The following MEIS1 variants were observed in gnomAD, a reference collection of about 807,000 sequenced individuals.
MEIS1 encodes the protein homeobox protein Meis1.
MEIS1 carries 5 observed loss-of-function variants against 50.8 expected under a neutral mutation model. That is an observed-to-expected ratio of 0.10 (90% CI 0.05 to 0.21). MEIS1 has a LOEUF of 0.21. Ranked by LOEUF, MEIS1 falls within the 10% of genes least tolerant of loss-of-function variation. The pLI, the probability that MEIS1 is intolerant of heterozygous loss-of-function variation, is 1.00. For synonymous variants in MEIS1, 176 were observed against 179.3 expected, an observed-to-expected ratio of 0.98 and a Z score of 0.15; for missense variants, 318 against 517.3, an observed-to-expected ratio of 0.61 and a Z score of 3.74.
At chr2:66,518,798 C>G (rs1674036084) in intron 8 of MEIS1, among the ~76,000 whole-genome samples, 1 of 152,032 alleles carries the variant, frequency 6.6e-6, no homozygotes, top group Non-Finnish European at 1.5e-5. Flanking sequence ...TTTAAGATTC[C>G]TAATGAAGAT....
chr2:66,571,514 C>T lies in MEIS1; in HGVS notation c.*306C>T, dbSNP rs772039499. 3.0e-5 allele frequency: 47 copies of T among 1,569,786 alleles called. No individual in the cohort carries two copies. The highest frequency in any genetic ancestry group is 3.8e-5 in the Non-Finnish European group (44 of 1,158,170). ...CAACAATGAGTGGACAAGTCATGGA[C>T]ATTCATGCTCAGTAGCTTAAGGGAA... is the stretch of plus-strand genomic sequence containing the variant. On this transcript the variant is annotated 3_prime_UTR_variant, in exon 13 of 13. Coordinates refer to ENST00000272369, the MANE Select transcript of MEIS1 (RefSeq NM_002398.3).
At chr2:66,549,374 T>C (rs2216120) in intron 9 of MEIS1, among the ~76,000 whole-genome samples, 14,503 of 152,120 alleles carry the variant, frequency 0.095, 806 homozygotes, top group African/African-American at 0.15. Flanking sequence ...CATCTAAATG[T>C]GTTACTACGA....
At chr2:66,506,993 G>T (rs1203013857) in intron 7 of MEIS1, among the ~76,000 whole-genome samples, 2 of 152,174 alleles carry the variant, frequency 1.3e-5, no homozygotes, top group Admixed American at 6.5e-5. Context: ...TTCAAGGGGT[G>T]AGATGCCATT....
chr2:66,437,912 T>C lies in MEIS1; in HGVS notation c.188T>C (p.Met63Thr). The change falls in exon 2 of 13, where the codon ATG becomes ACG. Residue 63 changes from methionine (M) to threonine (T), a missense_variant. Physicochemically the swap from Met to Thr is moderately conservative, Grantham distance 81 (BLOSUM62 -1). Around this residue, in one of 6 missense-constraint regions of MEIS1, gnomAD observed 100 missense variants for 107.1 expected, o/e 0.93. Transcript: ENST00000272369. ...CATACCAACGCCATGGCCCCCAGCA[T>C]GGGCTCCTCTGTCAATGACGCTTTA... is the stretch of plus-strand genomic sequence containing the variant. ...TAHTNAMAPS[M>T]GSSVNDALKR... 1.9e-6 allele frequency: 3 copies of C among 1,604,494 alleles called. No individual in the cohort carries two copies. The highest frequency in any genetic ancestry group is 2.2e-5 in the South Asian group (2 of 89,212).
intron 9 of MEIS1, among the ~76,000 whole-genome samples, chr2:66,556,919 T>A (rs892260958): frequency 8.1e-5 from 1 of 12,356 alleles, no homozygotes; most frequent in Non-Finnish European, 1.5e-4. Flanking sequence ...TGGGGCGGGG[T>A]GGGAGGGGGC....
At chr2:66,522,663 T>C (rs1445343070) in intron 8 of MEIS1, among the ~76,000 whole-genome samples, 1 of 152,172 alleles carries the variant, frequency 6.6e-6, no homozygotes, top group Non-Finnish European at 1.5e-5. Flanking sequence ...AAAAGGCAAT[T>C]TGTGAAATTA....
At chr2:66,558,300 A>AG (rs1675125291) in intron 9 of MEIS1, among the ~76,000 whole-genome samples, 3 of 149,642 alleles carry the variant, frequency 2.0e-5, no homozygotes, top group East Asian at 2.0e-4. Context: ...AAAAAAAAAA[A>AG]AAAAGAAAAA....
At chr2:66,459,675 TTGAA>T (rs1672474556) in intron 6 of MEIS1, among the ~76,000 whole-genome samples, 1 of 151,936 alleles carries the variant, frequency 6.6e-6, no homozygotes, top group Admixed American at 6.6e-5. Context: ...TGGTGACTGA[TTGAA>T]TGGGGAGGTG....
At chr2:66,564,817 C>T (rs1675301361) in intron 9 of MEIS1, among the ~76,000 whole-genome samples, 1 of 151,648 alleles carries the variant, frequency 6.6e-6, no homozygotes, top group South Asian at 2.1e-4. Context: ...TGGTGTGCTG[C>T]CCCCATTAAC....
chr2:66,499,347 C>T (rs560793988), intron 7 of MEIS1, among the ~76,000 whole-genome samples: 1 of 152,212 alleles, frequency 6.6e-6, no homozygotes, highest in East Asian at 1.9e-4. Flanking sequence ...AAGAAATCTA[C>T]CTGGACAGAA....
intron 7 of MEIS1, among the ~76,000 whole-genome samples, chr2:66,470,919 C>T (rs1462847589): frequency 6.6e-6 from 1 of 152,164 alleles, no homozygotes; most frequent in Non-Finnish European, 1.5e-5. Context: ...ACCTCTGTTA[C>T]CAAGTAACTG....
intron 9 of MEIS1, among the ~76,000 whole-genome samples, chr2:66,560,209 T>C (rs185202819): frequency 6.6e-6 from 1 of 152,022 alleles, no homozygotes; most frequent in East Asian, 1.9e-4. Context: ...TTTATTTTAA[T>C]GCCTAAGGCC....
chr2:66,503,053 A>G (rs1184870024), intron 7 of MEIS1, among the ~76,000 whole-genome samples: 3 of 152,188 alleles, frequency 2.0e-5, no homozygotes, highest in African/African-American at 7.2e-5. Flanking sequence ...GTCTACCTGA[A>G]TGGACTCATT....
intron 7 of MEIS1, among the ~76,000 whole-genome samples, chr2:66,468,504 C>T (rs1241157957): frequency 6.6e-6 from 1 of 152,128 alleles, no homozygotes; most frequent in Non-Finnish European, 1.5e-5. Flanking sequence ...ATTTCCATCC[C>T]CTCACTTTTC....
chr2:66,525,150 T>C (rs1293904232), intron 8 of MEIS1, among the ~76,000 whole-genome samples: 2 of 151,410 alleles, frequency 1.3e-5, no homozygotes, highest in Non-Finnish European at 2.9e-5. Context: ...GTGGTGGAGG[T>C]TGCAGTGAGC....
Position 66,435,622 on chromosome 2 carries a change from G to A in MEIS1, c.-235G>A, listed in dbSNP as rs1451610430. 5.0e-6 allele frequency: 2 copies of A among 401,918 alleles called. No individual in the cohort carries two copies. Among genetic ancestry groups the A allele is most frequent in the Non-Finnish European group, 8.9e-6 (2 of 225,974 alleles). 24.9% of individuals were successfully genotyped at this position (401,918 alleles called of 1,614,324 possible). A position where few individuals can be genotyped will look rare whatever the true frequency, so the allele number is the denominator to read the frequency against. On this transcript the variant is annotated 5_prime_UTR_variant, in exon 1 of 13. Transcript: ENST00000272369. ...TCTGCTTTTTTTTGCCCCCGCTGCT[G>A]TCTTGGAAACGGAGCGCTTTTATGC...
chr2:66,464,464 A>G (rs1293083839), intron 7 of MEIS1, among the ~76,000 whole-genome samples: 5 of 152,214 alleles, frequency 3.3e-5, no homozygotes, highest in Admixed American at 3.3e-4. Flanking sequence ...GCAAGATTAG[A>G]GAAGTAGCTT....
At chr2:66,510,445 T>A (rs115514388) in intron 7 of MEIS1, among the ~76,000 whole-genome samples, 108 of 152,248 alleles carry the variant, frequency 7.1e-4, no homozygotes, top group Middle Eastern at 6.8e-3. Flanking sequence ...TTTGGAGTGG[T>A]GGGTTTTCAT....
At chr2:66,495,517 T>TTCTTTGGGTATAA (rs1398755960) in intron 7 of MEIS1, among the ~76,000 whole-genome samples, 1 of 152,018 alleles carries the variant, frequency 6.6e-6, no homozygotes, top group East Asian at 1.9e-4. Context: ...GAAGAAAGAG[T>TTCTTTGGGTATAA]TCTTTGGGTA....
Sources: gnomAD v4.1 joint callset for allele counts (sites outside exome capture counted in the v4.1 genomes callset) on GRCh38, gnomAD v4.1.1 for gene constraint, gnomAD v4.1.1 regional missense constraint, MANE v1.5 for transcripts, NCBI Gene and HGNC (gene_info 2026-07-23, HGNC 2026-07-21) for gene names.